MCTP1: variants seen among roughly 807,000 people sequenced by gnomAD.
MCTP1 encodes the protein multiple C2 and transmembrane domain containing 1.
A neutral mutation model predicts 120.6 loss-of-function variants in MCTP1; 69 were observed. That is an observed-to-expected ratio of 0.57 (90% CI 0.47 to 0.70). The LOEUF (loss-of-function observed/expected upper bound fraction) is 0.70. Among genes scored for constraint, MCTP1 ranks in the 30% least tolerant of loss-of-function variants. MCTP1 has a pLI of 0.00. For missense variants in MCTP1, 1,203 were observed against 1,248.8 expected (o/e 0.96, Z 0.55); for synonymous variants, 529 against 493.1 (o/e 1.07, Z -0.96).
rs140222822 is a variant in MCTP1 at position 95,126,811 on chromosome 5, T to C, written c.721-109327A>G. Among the ~76,000 whole-genome samples, 471 of 152,326 alleles carry C rather than the reference T, an allele frequency of 3.1e-3. 1 individual carries two copies. The highest frequency in any genetic ancestry group is 0.011 in the African/African-American group (437 of 41,580). On this transcript the variant is annotated intron_variant, in intron 1 of 22. Coordinates refer to ENST00000515393, the MANE Select transcript of MCTP1 (RefSeq NM_024717.7). ...TTTTTCAATTAATGGCAAATCCTTT[T>C]AATAAACTCAATGTGCCCAACTCAT... is the stretch of plus-strand genomic sequence containing the variant.
chr5:94,913,064 T>A, intron 8 of MCTP1, 88 bp from the exon 9 acceptor site: 1 of 819,088 alleles, frequency 1.2e-6, no homozygotes, highest in Non-Finnish European at 1.8e-6. Flanking sequence ...GTTATGATTC[T>A]TCAAAAAATA....
intron 1 of MCTP1, among the ~76,000 whole-genome samples, chr5:95,020,849 C>T (rs1483654137): frequency 6.6e-6 from 1 of 151,844 alleles, no homozygotes; most frequent in East Asian, 1.9e-4. Context: ...AGCCCTTTTT[C>T]CCTTTATAAT....
chr5:94,884,539 GA>G (rs1346220603), intron 12 of MCTP1, among the ~76,000 whole-genome samples: 1 of 146,518 alleles, frequency 6.8e-6, no homozygotes, highest in Non-Finnish European at 1.5e-5. Flanking sequence ...GGGAACGCCG[GA>G]CTGCGCAGAA....
intron 1 of MCTP1, among the ~76,000 whole-genome samples, chr5:95,235,638 CAAT>C: frequency 6.6e-6 from 1 of 151,912 alleles, no homozygotes; most frequent in Non-Finnish European, 1.5e-5. Flanking sequence ...GTGTATTGTG[CAAT>C]AATAATGAAA....
At chr5:95,053,596 A>G (rs1260495515) in intron 1 of MCTP1, among the ~76,000 whole-genome samples, 1 of 152,208 alleles carries the variant, frequency 6.6e-6, no homozygotes, top group Non-Finnish European at 1.5e-5. Flanking sequence ...TCCAATCTAT[A>G]TTATTTGTGT....
At chr5:94,983,899 GC>G (rs1322376800) in intron 2 of MCTP1, among the ~76,000 whole-genome samples, 1 of 152,154 alleles carries the variant, frequency 6.6e-6, no homozygotes, top group East Asian at 1.9e-4. Flanking sequence ...GGAAGAAGGG[GC>G]AAATGGATAT....
chr5:95,266,185 G>T (rs940085272), intron 1 of MCTP1, among the ~76,000 whole-genome samples: 3 of 152,176 alleles, frequency 2.0e-5, no homozygotes, highest in Non-Finnish European at 4.4e-5. Flanking sequence ...CAAGTGCCCT[G>T]CAAGGTTCTA....
At chr5:94,736,299 GGCAACATAGTGA>G (rs1764217040) in intron 19 of MCTP1, among the ~76,000 whole-genome samples, 1 of 152,092 alleles carries the variant, frequency 6.6e-6, no homozygotes, top group Non-Finnish European at 1.5e-5. Context: ...GACCAGCCTG[GGCAACATAGTGA>G]GAACCTGTCT....
At chr5:95,005,660 G>T (rs1163064697) in intron 2 of MCTP1, among the ~76,000 whole-genome samples, 1 of 151,984 alleles carries the variant, frequency 6.6e-6, no homozygotes, top group Non-Finnish European at 1.5e-5. Flanking sequence ...ATATGTGCCT[G>T]CTTCCCCTTC....
chr5:94,897,894 A>G (rs750259941), intron 10 of MCTP1, among the ~76,000 whole-genome samples: 18 of 152,322 alleles, frequency 1.2e-4, no homozygotes, highest in African/African-American at 3.8e-4. Context: ...TATTTTTAAC[A>G]GAAAGAATTA....
chr5:94,822,264 A>G (rs1785844256), intron 17 of MCTP1, among the ~76,000 whole-genome samples: 1 of 151,752 alleles, frequency 6.6e-6, no homozygotes, highest in African/African-American at 2.4e-5. Flanking sequence ...CTGTGCCCAT[A>G]TGTTCTCATT....
chr5:95,063,355 C>G (rs1168375290), intron 1 of MCTP1, among the ~76,000 whole-genome samples: 1 of 152,108 alleles, frequency 6.6e-6, no homozygotes, highest in Non-Finnish European at 1.5e-5. Flanking sequence ...CTATGTCTCT[C>G]TCCTGTGAAA....
intron 19 of MCTP1, among the ~76,000 whole-genome samples, chr5:94,734,873 T>G (rs1471401338): frequency 6.6e-6 from 1 of 152,216 alleles, no homozygotes; most frequent in East Asian, 1.9e-4. Context: ...GTTGAAAAGC[T>G]TCCTCATTCT....
chr5:95,053,781 C>T (rs542783846), intron 1 of MCTP1, among the ~76,000 whole-genome samples: 1 of 152,242 alleles, frequency 6.6e-6, no homozygotes, highest in East Asian at 1.9e-4. Context: ...GCGACCTCCA[C>T]AACTCAGAAG....
At chr5:94,908,325 C>T in intron 10 of MCTP1, among the ~76,000 whole-genome samples, 1 of 151,920 alleles carries the variant, frequency 6.6e-6, no homozygotes, top group East Asian at 1.9e-4. Flanking sequence ...TTTGACCTCT[C>T]ACTATATAAT....
At chr5:94,776,989 G>A (rs892268478) in intron 19 of MCTP1, among the ~76,000 whole-genome samples, 17 of 151,958 alleles carry the variant, frequency 1.1e-4, no homozygotes, top group African/African-American at 3.6e-4. Flanking sequence ...AAAGCCTACT[G>A]TAAATTATTA....
At chr5:95,046,381 T>C (rs1471106933) in intron 1 of MCTP1, among the ~76,000 whole-genome samples, 5 of 152,194 alleles carry the variant, frequency 3.3e-5, no homozygotes, top group African/African-American at 4.8e-5. Context: ...TTGACTGCCT[T>C]GCAATACCTC....
At chr5:95,029,525 G>A (rs957070390) in intron 1 of MCTP1, among the ~76,000 whole-genome samples, 4 of 152,174 alleles carry the variant, frequency 2.6e-5, no homozygotes, top group South Asian at 2.1e-4. Context: ...ACCTCTTGGA[G>A]AATCCATGGG....
chr5:94,940,599 CACATATACATATATATGTGTATATATAT>C (rs1817438903), intron 4 of MCTP1, among the ~76,000 whole-genome samples: 2 of 143,920 alleles, frequency 1.4e-5, no homozygotes, highest in African/African-American at 5.1e-5. Flanking sequence ...TATATATATA[CACATATACATATATATGTGTATATATAT>C]ACACATATAC....
Sources: gnomAD v4.1 joint callset for allele counts (sites outside exome capture counted in the v4.1 genomes callset) on GRCh38, gnomAD v4.1.1 for gene constraint, MANE v1.5 for transcripts, NCBI Gene and HGNC (gene_info 2026-07-23, HGNC 2026-07-21) for gene names.